Variants in ACVR2A observed in about 807,000 individuals in gnomAD.
ACVR2A encodes the protein activin receptor type-2A.
A neutral mutation model predicts 61.4 loss-of-function variants in ACVR2A; 7 were observed. The observed-to-expected ratio is 0.11, with a 90% confidence interval of 0.06 to 0.21. The LOEUF (loss-of-function observed/expected upper bound fraction) is 0.21. Among genes scored for constraint, ACVR2A ranks in the 10% least tolerant of loss-of-function variants. The pLI is 1.00. For missense variants in ACVR2A, 322 were observed against 621.7 expected (o/e 0.52, Z 5.13); for synonymous variants, 193 against 208.3 (o/e 0.93, Z 0.63).
chr2:147,882,270 G>A (rs972268138), intron 1 of ACVR2A, among the ~76,000 whole-genome samples: 1 of 152,204 alleles, frequency 6.6e-6, no homozygotes, highest in Non-Finnish European at 1.5e-5. Flanking sequence ...CTTAAATAAC[G>A]CTGGATGCAG....
intron 4 of ACVR2A, among the ~76,000 whole-genome samples, chr2:147,912,102 A>C (rs978342927): frequency 6.6e-6 from 1 of 152,020 alleles, no homozygotes; most frequent in Non-Finnish European, 1.5e-5. Flanking sequence ...CTTCAAATGG[A>C]GAACTCAGAA....
chr2:147,878,565 C>T (rs1285000276), intron 1 of ACVR2A, among the ~76,000 whole-genome samples: 1 of 151,954 alleles, frequency 6.6e-6, no homozygotes, highest in Admixed American at 6.6e-5. Flanking sequence ...GGGAAGACTG[C>T]CCTTGTTTTG....
intron 4 of ACVR2A, chr2:147,902,967 A>G (rs1410084190): frequency 6.6e-6 from 1 of 151,966 alleles, no homozygotes; most frequent in Non-Finnish European, 1.5e-5. Context: ...CTTTTTCTCA[A>G]AGCTTTGGCT....
At chr2:147,922,889 T>C in intron 8 of ACVR2A, 84 bp from the exon 9 acceptor site, 1 of 1,429,598 alleles carries the variant, frequency 7.0e-7, no homozygotes, top group Non-Finnish European at 9.6e-7. Context: ...TAGACCACAT[T>C]TGGTTTTGAT....
At position 147,928,596 on chromosome 2, in the gene ACVR2A, C is replaced by T. The variant is rs1015071233; in HGVS notation, c.*1322C>T. 6.6e-6 allele frequency: 1 copy of T among 152,232 alleles called. No individual in the cohort carries two copies. Among genetic ancestry groups the T allele is most frequent in the African/African-American group, 2.4e-5 (1 of 41,352 alleles). 9.4% of individuals were successfully genotyped at this position (152,232 alleles called of 1,614,324 possible). A position where few individuals can be genotyped will look rare whatever the true frequency, so the allele number is the denominator to read the frequency against. ...ACGTATAACTTAAAATATGCAATGA[C>T]ATTTAGAGGTAACCAATGTTGATAT... On this transcript the variant is annotated 3_prime_UTR_variant, in exon 11 of 11. Transcript: ENST00000241416.
intron 1 of ACVR2A, among the ~76,000 whole-genome samples, chr2:147,895,436 T>C (rs1403531742): frequency 1.3e-5 from 2 of 152,116 alleles, no homozygotes; most frequent in African/African-American, 4.8e-5. Context: ...TCTCTTGTGG[T>C]TCTAGCATAT....
chr2:147,898,178 A>G (rs1686787659), intron 2 of ACVR2A: 3 of 152,280 alleles, frequency 2.0e-5, no homozygotes, highest in African/African-American at 4.8e-5. Flanking sequence ...TCTGGAGGTT[A>G]AATGCTAATT....
At chr2:147,864,670 T>C (rs1685809883) in intron 1 of ACVR2A, among the ~76,000 whole-genome samples, 1 of 152,134 alleles carries the variant, frequency 6.6e-6, no homozygotes, top group South Asian at 2.1e-4. Flanking sequence ...TGAAGACAAG[T>C]AAAAAATTCC....
At chr2:147,926,447 AAACTGTGGATAGTTGGGT>A (rs1336617162) in intron 10 of ACVR2A, among the ~76,000 whole-genome samples, 1 of 151,954 alleles carries the variant, frequency 6.6e-6, no homozygotes, top group East Asian at 1.9e-4. Flanking sequence ...CCAGACTCGG[AAACTGTGGATAGTTGGGT>A]AACTTTGCTG....
chr2:147,867,750 C>A (rs1413706591), intron 1 of ACVR2A, among the ~76,000 whole-genome samples: 1 of 152,146 alleles, frequency 6.6e-6, no homozygotes. Context: ...TTGTCACTTA[C>A]AAATGGTGAA....
At chr2:147,879,030 C>A (rs1290432498) in intron 1 of ACVR2A, among the ~76,000 whole-genome samples, 3 of 152,010 alleles carry the variant, frequency 2.0e-5, no homozygotes, top group Non-Finnish European at 4.4e-5. Flanking sequence ...TGGGAGTAGA[C>A]CATATGGTAA....
intron 4 of ACVR2A, among the ~76,000 whole-genome samples, chr2:147,912,217 T>A (rs1371099278): frequency 2.6e-5 from 4 of 151,984 alleles, no homozygotes; most frequent in Non-Finnish European, 5.9e-5. Context: ...GGCAGGAGAT[T>A]ACTTTTTACC....
At chr2:147,855,302 A>C (rs924238333) in intron 1 of ACVR2A, among the ~76,000 whole-genome samples, 2 of 152,206 alleles carry the variant, frequency 1.3e-5, no homozygotes, top group African/African-American at 4.8e-5. Flanking sequence ...AAGCTCAGTG[A>C]ATATTTAACT....
chr2:147,871,626 G>C (rs1308170732), intron 1 of ACVR2A, among the ~76,000 whole-genome samples: 4 of 152,126 alleles, frequency 2.6e-5, no homozygotes, highest in Non-Finnish European at 4.4e-5. Flanking sequence ...CAAAAGTGTA[G>C]AATAGCTGCT....
rs185314124 is a variant in ACVR2A, at chr2:147,862,261, C to T, written c.55+17054C>T. Among the ~76,000 whole-genome samples the T allele has an allele frequency of 3.5e-3, 532 of 151,654 alleles. 4 individuals are homozygous for T. Among genetic ancestry groups the T allele is most frequent in the African/African-American group, 0.012 (502 of 41,334 alleles). On this transcript the variant is annotated intron_variant, in intron 1 of 10. Transcript: ENST00000241416. ...AATATAGCAATAATAAGCACCAAAG[C>T]GAACTCTAATTCTAGGGCAGATTTT...
At chr2:147,894,341 T>C (rs541912002) in intron 1 of ACVR2A, among the ~76,000 whole-genome samples, 2 of 152,282 alleles carry the variant, frequency 1.3e-5, no homozygotes, top group South Asian at 4.1e-4. Context: ...TTATTTTGGG[T>C]ATTCCAGTTT....
intron 1 of ACVR2A, among the ~76,000 whole-genome samples, chr2:147,872,534 C>T (rs761895796): frequency 2.7e-5 from 4 of 150,162 alleles, no homozygotes; most frequent in Admixed American, 6.7e-5. Flanking sequence ...ATACAATTAA[C>T]GAAGTGTTGG....
In ACVR2A at chr2:147,927,386, A is replaced by G; in HGVS notation, c.*112A>G. ...GTAAAATGAGTAGGATGTCTCTTGG[A>G]AATGTTAAGAAAGAAGACCCTTTGT... On this transcript the variant is annotated 3_prime_UTR_variant, in exon 11 of 11. Coordinates refer to ENST00000241416, the MANE Select transcript of ACVR2A (RefSeq NM_001616.5). 1 of 1,046,794 alleles carries G rather than the reference A, an allele frequency of 9.6e-7. No homozygotes were observed. The highest frequency in any genetic ancestry group is 1.3e-6 in the Non-Finnish European group (1 of 748,902). 64.8% of individuals were successfully genotyped at this position (1,046,794 alleles called of 1,614,324 possible).
Position 147,926,061 on chromosome 2 carries a change from A to G in ACVR2A, c.1247A>G (p.Glu416Gly). 1 of 1,611,656 alleles carries G rather than the reference A, an allele frequency of 6.2e-7. No homozygotes were observed. The highest frequency in any genetic ancestry group is 8.5e-7 in the Non-Finnish European group (1 of 1,178,492). Residue 416 changes from glutamate (E) to glycine (G), a missense_variant, in exon 10 of 11, where the codon GAG becomes GGG. By Grantham distance (98) the Glu-to-Gly change is moderately conservative. This residue lies in a region of ACVR2A where 146 missense variants were observed against 383.8 expected (regional missense o/e 0.38). Transcript: ENST00000241416. ...GTAGATGAATACATGTTGCCATTTG[A>G]GGAGGAAATTGGCCAGCATCCATCT... ...GPVDEYMLPF[E>G]EEIGQHPSLE...
Sources: gnomAD v4.1 joint callset for allele counts (sites outside exome capture counted in the v4.1 genomes callset) on GRCh38, gnomAD v4.1.1 for gene constraint, gnomAD v4.1.1 regional missense constraint, MANE v1.5 for transcripts, NCBI Gene and HGNC (gene_info 2026-07-23, HGNC 2026-07-21) for gene names.